Variants in KIFAP3 observed in about 807,000 individuals in gnomAD.
The protein encoded by KIFAP3 is kinesin associated protein 3.
In KIFAP3, 68 loss-of-function variants were observed where a neutral mutation model predicts 106.5. That is an observed-to-expected ratio of 0.64 (90% confidence interval 0.53 to 0.78). The LOEUF (loss-of-function observed/expected upper bound fraction) is 0.78. Among genes scored for constraint, KIFAP3 ranks in the 30% least tolerant of loss-of-function variants. The probability of loss-of-function intolerance (pLI) is 0.00; values close to 1 mark genes in which losing one functional copy is unlikely to be tolerated. For synonymous variants in KIFAP3, 320 were observed against 311.5 expected, an observed-to-expected ratio of 1.03 and a Z score of -0.29; for missense variants, 780 against 941.8, an observed-to-expected ratio of 0.83 and a Z score of 2.25.
chr1:169,923,134 C>T lies in KIFAP3; in HGVS notation c.2274-1353G>A, dbSNP rs1662913129. On this transcript the variant is annotated intron_variant, in intron 19 of 19. Transcript: ENST00000361580. ...TACAAGTTTCAGGTTAGCATTTGTA[C>T]TGAGCGATTCTGGACAAAATTTGTT... 3.1e-6 allele frequency: 3 copies of T among 978,926 alleles called. No homozygotes were observed. The African/African-American group carries it at 5.2e-5, about 17-fold the overall frequency. The allele number at this position is 978,926 out of a possible 1,614,324, so 60.6% of individuals were successfully genotyped here. A position where few individuals can be genotyped will look rare whatever the true frequency, so the allele number is the denominator to read the frequency against.
intron 14 of KIFAP3, 46 bp from the exon 15 acceptor site, chr1:169,982,143 C>A: frequency 6.3e-7 from 1 of 1,587,564 alleles, no homozygotes; most frequent in Admixed American, 1.7e-5. Context: ...ATGTCCTGAT[C>A]CAAATTCATT....
At chr1:170,009,035 G>A (rs564675542) in intron 10 of KIFAP3, among the ~76,000 whole-genome samples, 8 of 152,154 alleles carry the variant, frequency 5.3e-5, no homozygotes, top group South Asian at 2.1e-4. Context: ...ATCAAACACC[G>A]CATGTTCTCA....
At chr1:169,965,749 A>C (rs913541022) in intron 17 of KIFAP3, among the ~76,000 whole-genome samples, 3 of 152,004 alleles carry the variant, frequency 2.0e-5, no homozygotes, top group African/African-American at 7.2e-5. Flanking sequence ...ACGAGCTTAC[A>C]TCATTATTCT....
Position 169,983,298 on chromosome 1 carries a change from T to G in KIFAP3, c.1478A>C (p.His493Pro). ...AAACAGATTTTTAGTTGGTCCATCA[T>G]GCTGAGAAATGTTTCTAATCATTTT... ...LMKMIRNISQHDGPTKNLFID... is the reference protein window; with the variant it reads ...LMKMIRNISQPDGPTKNLFID... Residue 493 changes from histidine (H) to proline (P), a missense_variant, in exon 13 of 20, where the codon CAT becomes CCT. His to Pro is a moderately conservative substitution (Grantham distance 77, BLOSUM62 -2). Transcript: ENST00000361580. 1 of 1,607,748 alleles carries G rather than the reference T, an allele frequency of 6.2e-7. No individual in the cohort carries two copies.
At chr1:169,922,300 A>G (rs1662872285) in intron 19 of KIFAP3, among the ~76,000 whole-genome samples, 2 of 152,238 alleles carry the variant, frequency 1.3e-5, no homozygotes, top group South Asian at 4.1e-4. Flanking sequence ...CTATGATTAA[A>G]AGAACAAGAT....
chr1:170,035,314 G>T, intron 6 of KIFAP3, 140 bp downstream of exon 6: 1 of 494,050 alleles, frequency 2.0e-6, no homozygotes, highest in South Asian at 3.5e-5. Context: ...ATGGAAAACA[G>T]GAATAAGAAT....
At chr1:169,936,410 G>C (rs552006992) in intron 19 of KIFAP3, among the ~76,000 whole-genome samples, 2 of 151,790 alleles carry the variant, frequency 1.3e-5, no homozygotes, top group South Asian at 4.2e-4. Context: ...CTATTACAAA[G>C]ACACAAAAAG....
intron 8 of KIFAP3, among the ~76,000 whole-genome samples, chr1:170,026,015 T>C (rs1444617727): frequency 5.9e-5 from 9 of 152,116 alleles, no homozygotes; most frequent in Non-Finnish European, 1.3e-4. Flanking sequence ...AGTGGTGTCT[T>C]AAGAAGAGGA....
At chr1:169,971,164 C>A (rs1571582332) in intron 17 of KIFAP3, among the ~76,000 whole-genome samples, 1 of 151,942 alleles carries the variant, frequency 6.6e-6, no homozygotes, top group African/African-American at 2.4e-5. Context: ...CTTCTAGTTA[C>A]CTTTCCTAGA....
Position 170,074,599 on chromosome 1 carries a change from C to T in KIFAP3, c.-132G>A. The stretch of plus-strand genomic sequence containing the variant: ...TCCTGAGGCCTGCAAGGCGGGGCAG[C>T]AGCGGCGCTGTGGTTACCACGGTGA... On this transcript the variant is annotated 5_prime_UTR_variant, in exon 1 of 20. Coordinates refer to ENST00000361580, the MANE Select transcript of KIFAP3 (RefSeq NM_014970.4). 6.5e-7 allele frequency: 1 copy of T among 1,537,540 alleles called. No individual in the cohort carries two copies. Among genetic ancestry groups the T allele is most frequent in the Non-Finnish European group, 8.8e-7 (1 of 1,139,992 alleles).
chr1:170,084,085 G>A (rs562606669), intron 1 of KIFAP3, among the ~76,000 whole-genome samples: 31 of 152,236 alleles, frequency 2.0e-4, no homozygotes, highest in Middle Eastern at 6.8e-3. Context: ...ATTTAAAGAC[G>A]AATAATCCCA....
At chr1:170,003,421 G>A (rs1248749668) in intron 10 of KIFAP3, among the ~76,000 whole-genome samples, 3 of 152,232 alleles carry the variant, frequency 2.0e-5, no homozygotes, top group Non-Finnish European at 4.4e-5. Flanking sequence ...TCCCGGCCGT[G>A]TGAGGTGTCA....
intron 10 of KIFAP3, among the ~76,000 whole-genome samples, chr1:170,015,712 G>A (rs1668472869): frequency 1.3e-5 from 2 of 152,102 alleles, no homozygotes; most frequent in Admixed American, 6.5e-5. Context: ...GTATGGTCAT[G>A]GTGTAAAGTA....
At chr1:169,985,257 C>T (rs556546459) in intron 11 of KIFAP3, among the ~76,000 whole-genome samples, 3 of 151,722 alleles carry the variant, frequency 2.0e-5, no homozygotes, top group Non-Finnish European at 4.4e-5. Context: ...AAGATTTACC[C>T]AGTGTAGAAA....
At chr1:169,929,541 T>G (rs1288767773) in intron 19 of KIFAP3, among the ~76,000 whole-genome samples, 1 of 152,178 alleles carries the variant, frequency 6.6e-6, no homozygotes, top group Non-Finnish European at 1.5e-5. Flanking sequence ...TCTTTGGACT[T>G]GAACTTTTGT....
chr1:170,052,484 T>A (rs2102110675), intron 2 of KIFAP3, among the ~76,000 whole-genome samples: 1 of 152,288 alleles, frequency 6.6e-6, no homozygotes, highest in Non-Finnish European at 1.5e-5. Flanking sequence ...CCTTCCTAAC[T>A]CATTTTATTA....
intron 15 of KIFAP3, among the ~76,000 whole-genome samples, chr1:169,980,105 A>C (rs1666437419): frequency 6.6e-6 from 1 of 152,134 alleles, no homozygotes; most frequent in Non-Finnish European, 1.5e-5. Flanking sequence ...ACCACTTTGA[A>C]GGAGGTGGTA....
intron 1 of KIFAP3, among the ~76,000 whole-genome samples, chr1:170,071,482 C>T (rs75401299): frequency 3.4e-3 from 515 of 152,246 alleles, no homozygotes; most frequent in African/African-American, 8.0e-3. Flanking sequence ...CTTACAGTTC[C>T]GCAGGCTGGG....
At chr1:169,940,043 G>C (rs1312455492) in intron 19 of KIFAP3, among the ~76,000 whole-genome samples, 1 of 152,182 alleles carries the variant, frequency 6.6e-6, no homozygotes, top group African/African-American at 2.4e-5. Context: ...ATCCAGTAAA[G>C]GGGAAAAGAG....
Sources: allele counts gnomAD v4.1 joint callset (sites outside exome capture counted in the v4.1 genomes callset), GRCh38; gene constraint gnomAD v4.1.1; transcripts MANE v1.5; gene names NCBI Gene and HGNC (gene_info 2026-07-23, HGNC 2026-07-21).